The following NLRP11 variants were observed in gnomAD, a reference collection of about 807,000 sequenced individuals.
NLRP11 encodes NLR family pyrin domain containing 11, also known as NACHT, LRR and PYD domains-containing protein 11.
A neutral mutation model predicts 79.3 loss-of-function variants in NLRP11; 53 were observed. The ratio of observed to expected loss-of-function variants is 0.67; its 90% CI spans 0.54 to 0.84. NLRP11 has a LOEUF of 0.84. Ranked by LOEUF, NLRP11 falls within the 40% of genes least tolerant of loss-of-function variation. The pLI, the probability that NLRP11 is intolerant of heterozygous loss-of-function variation, is 0.00. For synonymous variants in NLRP11, 518 were observed against 462.6 expected (o/e 1.12, Z -1.54); for missense variants, 1,264 against 1,255.0 (o/e 1.01, Z -0.11).
At chr19:55,830,019 C>T (rs1330337431) in intron 1 of NLRP11, among the ~76,000 whole-genome samples, 2 of 152,192 alleles carry the variant, frequency 1.3e-5, no homozygotes, top group African/African-American at 2.4e-5. Flanking sequence ...TACAAGTTGT[C>T]ATACATCTCC....
At chr19:55,815,823 A>C (rs1981062739) in intron 2 of NLRP11, among the ~76,000 whole-genome samples, 1 of 152,204 alleles carries the variant, frequency 6.6e-6, no homozygotes, top group South Asian at 2.1e-4. Flanking sequence ...AAGGCAATGA[A>C]ATGAATTATT....
At chr19:55,800,005 G>A (rs973502019) in intron 5 of NLRP11, among the ~76,000 whole-genome samples, 2 of 152,096 alleles carry the variant, frequency 1.3e-5, no homozygotes, top group Non-Finnish European at 2.9e-5. Context: ...AGAAAGGGAT[G>A]AAGGGGGTGA....
intron 1 of NLRP11, among the ~76,000 whole-genome samples, chr19:55,831,611 C>T (rs996828204): frequency 6.6e-6 from 1 of 152,112 alleles, no homozygotes; most frequent in Non-Finnish European, 1.5e-5. Context: ...ACACTTTATA[C>T]ATCACATAGA....
At chr19:55,802,225 C>A (rs1348724350) in intron 4 of NLRP11, among the ~76,000 whole-genome samples, 1 of 152,298 alleles carries the variant, frequency 6.6e-6, no homozygotes, top group African/African-American at 2.4e-5. Flanking sequence ...AGAAGTCAAA[C>A]TATCACTGTT....
At chr19:55,835,049 C>A (rs1034270838), upstream of NLRP11, among the ~76,000 whole-genome samples, 1 of 152,202 alleles carries the variant, frequency 6.6e-6, no homozygotes, top group Non-Finnish European at 1.5e-5. Context: ...AGGTCCCCAT[C>A]ATGTCTGCTT....
At chr19:55,817,837 A>AAAAT in intron 2 of NLRP11, 67 bp downstream of exon 2, 3 of 1,214,224 alleles carry the variant, frequency 2.5e-6, no homozygotes, top group Non-Finnish European at 3.4e-6. Context: ...AAAAAAAAAA[A>AAAAT]GGCCCAACAC....
chr19:55,790,844 A>C (rs1990195087), intron 7 of NLRP11, among the ~76,000 whole-genome samples: 1 of 152,178 alleles, frequency 6.6e-6, no homozygotes, highest in Admixed American at 6.5e-5. Flanking sequence ...CATGCTTTCA[A>C]ACTTAGAGGA....
intron 1 of NLRP11, among the ~76,000 whole-genome samples, chr19:55,824,021 G>A (rs1332395446): frequency 3.7e-5 from 4 of 109,424 alleles, no homozygotes; most frequent in African/African-American, 9.6e-5. Flanking sequence ...GAGAAAGGTC[G>A]GGTTACCCTC....
intron 2 of NLRP11, among the ~76,000 whole-genome samples, chr19:55,817,296 C>T (rs1469509805): frequency 1.3e-5 from 2 of 152,154 alleles, no homozygotes; most frequent in African/African-American, 4.8e-5. Context: ...AGTAGAACGA[C>T]CATTTGATCC....
In NLRP11 at chr19:55,788,880, G is replaced by A. The variant is rs990542204; in HGVS notation, c.2782C>T (p.His928Tyr). The A allele has an allele frequency of 2.5e-6, 4 of 1,613,372 alleles. No homozygotes were observed. In the Admixed American group the frequency reaches 5.0e-5, roughly 20 times the overall value. Residue 928 changes from histidine to tyrosine, a missense_variant, in exon 9 of 10, where the codon CAC (histidine) becomes TAC (tyrosine). His to Tyr is a moderately conservative substitution (Grantham distance 83). Coordinates refer to ENST00000589093, the Ensembl canonical transcript of NLRP11. The stretch of plus-strand genomic sequence containing the variant: ...TTTGCAACTCCATCATTGCCCAAGT[G>A]ATTTTGAAGCAAGTTGAGTCTTTCT...
chr19:55,805,358 C>A (rs779728752), intron 4 of NLRP11, among the ~76,000 whole-genome samples: 1 of 151,892 alleles, frequency 6.6e-6, no homozygotes, highest in Admixed American at 6.6e-5. Context: ...ATAGAACACA[C>A]GGGAAGCCCT....
chr19:55,792,263 AG>A, intron 7 of NLRP11, 37 bp downstream of exon 7: 1 of 1,586,202 alleles, frequency 6.3e-7, no homozygotes, highest in Non-Finnish European at 8.6e-7. Flanking sequence ...CTCATGCAGT[AG>A]AAACACAGTC....
intron 4 of NLRP11, among the ~76,000 whole-genome samples, chr19:55,803,357 A>G (rs1466032018): frequency 6.6e-6 from 1 of 152,104 alleles, no homozygotes; most frequent in Non-Finnish European, 1.5e-5. Flanking sequence ...AAAACAAACA[A>G]AACAAAACAA....
At chr19:55,828,074 T>C (rs1178822542) in intron 1 of NLRP11, among the ~76,000 whole-genome samples, 1 of 149,302 alleles carries the variant, frequency 6.7e-6, no homozygotes, top group Non-Finnish European at 1.5e-5. Context: ...CACCATGGAA[T>C]ACTATGCAGC....
At chr19:55,813,192 G>T (rs1199811553) in intron 2 of NLRP11, among the ~76,000 whole-genome samples, 1 of 152,120 alleles carries the variant, frequency 6.6e-6, no homozygotes, top group Admixed American at 6.6e-5. Context: ...GCCCGGCATG[G>T]TGGCAGGCGC....
intron 1 of NLRP11, 52 bp downstream of exon 1, chr19:55,831,911 A>T (rs1982831155): frequency 6.6e-6 from 1 of 152,174 alleles, no homozygotes; most frequent in South Asian, 2.1e-4. Flanking sequence ...GTAACATAAT[A>T]AAAAAAGACC....
intron 1 of NLRP11, among the ~76,000 whole-genome samples, chr19:55,829,757 A>G (rs1026337455): frequency 1.3e-5 from 2 of 152,064 alleles, no homozygotes; most frequent in Non-Finnish European, 2.9e-5. Context: ...TTGAGTCTAA[A>G]GGTAACTCCA....
At chr19:55,790,006 T>C (rs1241807834) in intron 7 of NLRP11, among the ~76,000 whole-genome samples, 3 of 152,152 alleles carry the variant, frequency 2.0e-5, no homozygotes, top group Admixed American at 6.5e-5. Flanking sequence ...TCGAGCACAG[T>C]TGGCTGTTTC....
At chr19:55,788,714 T>C in intron 9 of NLRP11, 93 bp downstream of exon 9, 3 of 882,538 alleles carry the variant, frequency 3.4e-6, no homozygotes, top group Non-Finnish European at 4.8e-6. Context: ...CACTCCAGCC[T>C]GGGCAACAGA....
Sources: allele counts gnomAD v4.1 joint callset (sites outside exome capture counted in the v4.1 genomes callset), GRCh38; gene constraint gnomAD v4.1.1; transcripts MANE v1.5; gene names NCBI Gene and HGNC (gene_info 2026-07-23, HGNC 2026-07-21).